The following GARS1 variants were observed in gnomAD, a reference collection of about 807,000 sequenced individuals.
GARS1 encodes glycine--tRNA ligase.
Under a neutral mutation model 86.4 loss-of-function variants are expected in GARS1, and 46 were observed. The ratio of observed to expected loss-of-function variants is 0.53; its 90% confidence interval spans 0.42 to 0.68. The LOEUF (loss-of-function observed/expected upper bound fraction) is 0.68, where lower values mean the gene tolerates loss of function less well. Ranked by LOEUF, GARS1 falls within the 30% of genes least tolerant of loss-of-function variation. GARS1 has a pLI of 0.00. For synonymous variants in GARS1, 342 were observed against 329.8 expected (o/e 1.04, Z -0.40); for missense variants, 797 against 915.6 (o/e 0.87, Z 1.67).
intron 12 of GARS1, among the ~76,000 whole-genome samples, chr7:30,625,158 G>C (rs1185770657): frequency 6.6e-6 from 1 of 152,114 alleles, no homozygotes; most frequent in Non-Finnish European, 1.5e-5. Flanking sequence ...TGACCAGGCT[G>C]GTCTTGAACT....
Position 30,603,468 on chromosome 7 carries a change from T to G in GARS1, c.659-28T>G, listed in dbSNP as rs554518384. 3.7e-5 allele frequency: 58 copies of G among 1,567,784 alleles called. No homozygotes were observed. The South Asian group carries it at 5.4e-4, about 15-fold the overall frequency. ...AGTGCATTGTCCTTTTTCCCATTGA[T>G]TGATATATGTCAACACTGTTCTTAC... is the stretch of plus-strand genomic sequence containing the variant. On this transcript the variant is annotated intron_variant, in intron 5 of 16. Coordinates refer to ENST00000389266, the MANE Select transcript of GARS1 (RefSeq NM_002047.4).
chr7:30,623,056 G>A (rs1260044618), intron 12 of GARS1, among the ~76,000 whole-genome samples: 2 of 149,112 alleles, frequency 1.3e-5, no homozygotes, highest in Non-Finnish European at 3.0e-5. Context: ...AGCCACCATC[G>A]TGCCACTGCA....
At position 30,602,911 on chromosome 7, in the gene GARS1, A is replaced by G; in HGVS notation, c.570-123A>G. 3 of 752,898 alleles carry G rather than the reference A, an allele frequency of 4.0e-6. No individual in the cohort carries two copies. In the South Asian group the frequency reaches 4.3e-5, roughly 11 times the overall value. The allele number at this position is 752,898 out of a possible 1,614,324, so 46.6% of individuals were successfully genotyped here. A position where few individuals can be genotyped will look rare whatever the true frequency, so the allele number is the denominator to read the frequency against. On this transcript the variant is annotated intron_variant, in intron 4 of 16. Coordinates refer to ENST00000389266, the MANE Select transcript of GARS1 (RefSeq NM_002047.4). ...TTACTGTCATGGATACATCATTACTATAGATATGGGAGCTTCCATCTTTGA... is the reference window on the plus strand; with the variant it reads ...TTACTGTCATGGATACATCATTACTGTAGATATGGGAGCTTCCATCTTTGA...
chr7:30,609,979 A>C (rs1791564477), intron 7 of GARS1, among the ~76,000 whole-genome samples: 1 of 152,198 alleles, frequency 6.6e-6, no homozygotes, highest in South Asian at 2.1e-4. Context: ...TATATCTTCT[A>C]GTTATAGCTG....
At chr7:30,598,200 T>C (rs964729377) in intron 1 of GARS1, among the ~76,000 whole-genome samples, 2 of 152,140 alleles carry the variant, frequency 1.3e-5, no homozygotes, top group Non-Finnish European at 2.9e-5. Context: ...TTCCTACTTT[T>C]TAATCAATGC....
At chr7:30,611,876 A>G (rs1484080597) in intron 7 of GARS1, among the ~76,000 whole-genome samples, 2 of 152,238 alleles carry the variant, frequency 1.3e-5, no homozygotes, top group African/African-American at 4.8e-5. Flanking sequence ...GCATTGCCAA[A>G]GTAGTACTGC....
rs1783247022 is a variant in GARS1, at chr7:30,632,193, A to G, written c.1904-54A>G. The G allele has an allele frequency of 2.6e-6, 4 of 1,559,010 alleles. No individual in the cohort carries two copies. The South Asian group carries it at 3.4e-5, about 13-fold the overall frequency. On this transcript the variant is annotated intron_variant, in intron 15 of 16. Coordinates refer to ENST00000389266, the MANE Select transcript of GARS1 (RefSeq NM_002047.4). The surrounding 1 kb of genome is among the most constrained non-coding windows in gnomAD (Gnocchi z 4.1). Reference sequence around the variant, plus strand: ...GCTTGTAAGACAGTAGTTAGATAACACTGGGCTTAACTCCATTGTTTTATT... The same window carrying G: ...GCTTGTAAGACAGTAGTTAGATAACGCTGGGCTTAACTCCATTGTTTTATT...
In GARS1 at chr7:30,632,151, A is replaced by G. The variant is rs1783246078; in HGVS notation, c.1904-96A>G. The G allele has an allele frequency of 3.4e-6, 4 of 1,187,116 alleles. No individual in the cohort carries two copies. The highest frequency in any genetic ancestry group is 4.9e-6 in the Non-Finnish European group (4 of 814,922). 73.5% of individuals were successfully genotyped at this position (1,187,116 alleles called of 1,614,324 possible). On this transcript the variant is annotated intron_variant, in intron 15 of 16. Coordinates refer to ENST00000389266, the MANE Select transcript of GARS1 (RefSeq NM_002047.4). This position sits in a 1 kb window ranked among gnomAD's most constrained non-coding sequence, Gnocchi z 4.1. ...CTTGTTGCTTTCTTGTCTTGGTCCC[A>G]TTTATAAGTCTCCTGAGCTTGTAAG...
intron 8 of GARS1, chr7:30,614,188 C>T (rs976233297): frequency 6.6e-6 from 1 of 151,586 alleles, no homozygotes; most frequent in African/African-American, 2.4e-5. Context: ...ATGATTACCA[C>T]AGTCAAGCTA....
At chr7:30,604,309 A>G (rs1377028591) in intron 6 of GARS1, among the ~76,000 whole-genome samples, 1 of 152,088 alleles carries the variant, frequency 6.6e-6, no homozygotes, top group East Asian at 1.9e-4. Flanking sequence ...GGCAAAGTAC[A>G]TTTCTCCAAC....
chr7:30,620,093 A>G (rs747533877), intron 10 of GARS1, among the ~76,000 whole-genome samples: 1 of 148,402 alleles, frequency 6.7e-6, no homozygotes, highest in African/African-American at 2.5e-5. Context: ...AGTAGTTTTG[A>G]TGGTTGAATT....
intron 5 of GARS1, among the ~76,000 whole-genome samples, 160 bp downstream of exon 5, chr7:30,603,282 G>A (rs1281488499): frequency 2.6e-5 from 4 of 152,114 alleles, no homozygotes; most frequent in Admixed American, 1.3e-4. Context: ...TTTTAAAAAA[G>A]TTATATGTAG....
At chr7:30,633,593 G>A (rs188943541) in intron 16 of GARS1, 142 bp from the exon 17 acceptor site, 97 of 949,956 alleles carry the variant, frequency 1.0e-4, no homozygotes, top group Non-Finnish European at 1.4e-4. Flanking sequence ...ACTGGTGGGC[G>A]TTTTGGGCTA....
Position 30,631,341 on chromosome 7 carries a change from T to G in GARS1, c.1810-107T>G, listed in dbSNP as rs115985185. On this transcript the variant is annotated intron_variant, in intron 14 of 16. Coordinates refer to ENST00000389266, the MANE Select transcript of GARS1 (RefSeq NM_002047.4). ...GTTTTCTGGCATTTTGGTAATGACG[T>G]TATGCTTGAACACTTGCTGAATATT... 904 of 841,222 alleles carry G rather than the reference T, an allele frequency of 1.1e-3. 6 individuals carry two copies. In the African/African-American group the frequency reaches 0.014, roughly 13 times the overall value. The allele number at this position is 841,222 out of a possible 1,614,324, so 52.1% of individuals were successfully genotyped here.
intron 11 of GARS1, chr7:30,622,024 AAT>A: frequency 2.3e-6 from 1 of 430,304 alleles, no homozygotes; most frequent in East Asian, 4.9e-5. Flanking sequence ...GCATTTTAGA[AAT>A]ACTTATCAGA....
intron 11 of GARS1, 46 bp downstream of exon 11, chr7:30,621,546 A>G (rs1296825988): frequency 7.5e-7 from 1 of 1,326,290 alleles, no homozygotes; most frequent in South Asian, 1.2e-5. Flanking sequence ...ACATGTGAAC[A>G]TCTTGCTAAT....
At chr7:30,608,370 A>AATAG (rs1791523561) in intron 6 of GARS1, among the ~76,000 whole-genome samples, 1 of 152,174 alleles carries the variant, frequency 6.6e-6, no homozygotes, top group Admixed American at 6.5e-5. Flanking sequence ...TTACCTGGGA[A>AATAG]ATAGATGTTC....
rs747407060 is a variant in GARS1 at position 30,626,315 on chromosome 7, A to G, written c.1695A>G (p.Leu565=). 6 of 1,549,820 alleles carry G rather than the reference A, an allele frequency of 3.9e-6. No homozygotes were observed. In the African/African-American group the frequency reaches 4.1e-5, roughly 11 times the overall value. The change falls in exon 13 of 17, where the codon CTA becomes CTG. Residue 565 remains leucine (L), a synonymous_variant. Coordinates refer to ENST00000389266, the MANE Select transcript of GARS1 (RefSeq NM_002047.4). ...ATGTGAAGAGATTCCAGAAAACACT[A>G]TATGGTAAATTTGTAAAAATAATAA... ...MINVKRFQKT[L]YVEEVVPNVI... is the part of the protein sequence containing the mutation.
At chr7:30,617,085 C>T (rs761251777) in intron 9 of GARS1, 29 bp from the exon 10 acceptor site, 17 of 1,611,978 alleles carry the variant, frequency 1.1e-5, no homozygotes, top group Non-Finnish European at 1.4e-5. Flanking sequence ...TTCTTTTCTT[C>T]CTCCATGCTT....
Sources: gnomAD v4.1 joint callset for allele counts (sites outside exome capture counted in the v4.1 genomes callset) on GRCh38, gnomAD v4.1.1 for gene constraint, Gnocchi (gnomAD v3.1) non-coding constraint, MANE v1.5 for transcripts, NCBI Gene and HGNC (gene_info 2026-07-23, HGNC 2026-07-21) for gene names.